Variants in MPG observed in about 807,000 individuals in gnomAD.
MPG encodes N-methylpurine DNA glycosylase.
In MPG, 33 loss-of-function variants were observed where a neutral mutation model predicts 31.7. That is an observed-to-expected ratio of 1.04 (90% CI 0.79 to 1.39). MPG has a LOEUF of 1.39. Among genes scored for constraint, MPG ranks in the 40% most tolerant of loss-of-function variants. MPG has a pLI of 0.00. For missense variants in MPG, 455 were observed against 415.5 expected (o/e 1.10, Z -0.83); for synonymous variants, 202 against 169.2 (o/e 1.19, Z -1.51).
upstream of MPG, chr16:78,112 A>G (rs1414928754): frequency 2.9e-6 from 1 of 342,856 alleles, no homozygotes; most frequent in Admixed American, 5.0e-5. Flanking sequence ...CGCTGGGAAG[A>G]GGATCCACCT....
At chr16:78,081 C>G, upstream of MPG, 1 of 322,232 alleles carries the variant, frequency 3.1e-6, no homozygotes, top group Non-Finnish European at 5.6e-6. Flanking sequence ...GCCCGGGAAT[C>G]GGTCCGGACC....
At chr16:79,304 C>A (rs781160480) in intron 1 of MPG, 121 bp from the exon 2 acceptor site, 3 of 1,599,272 alleles carry the variant, frequency 1.9e-6, no homozygotes, top group East Asian at 2.3e-5. Context: ...TGGTCACCCC[C>A]GCTTTGCAGA....
chr16:79,839 G>C, intron 2 of MPG, 139 bp downstream of exon 2: 1 of 951,418 alleles, frequency 1.1e-6, no homozygotes, highest in East Asian at 2.6e-5. Context: ...TGCTCACACT[G>C]GTCCCTGCTT....
In MPG at chr16:83,332, G is replaced by A. The variant is rs937709248; in HGVS notation, c.505+76G>A. ...GCTAGCAGCCAGGGGACCACTAGGAGGACTGAGGTGGGGCCAGCATTTGAG... is the reference window on the plus strand; with the variant it reads ...GCTAGCAGCCAGGGGACCACTAGGAAGACTGAGGTGGGGCCAGCATTTGAG... On this transcript the variant is annotated intron_variant, in intron 3 of 3. Transcript: ENST00000356432. 2.8e-6 allele frequency: 4 copies of A among 1,413,690 alleles called. No individual in the cohort carries two copies. The Admixed American group carries it at 5.4e-5, about 19-fold the overall frequency. The allele number at this position is 1,413,690 out of a possible 1,614,324, so 87.6% of individuals were successfully genotyped here.
chr16:79,139 G>T, intron 1 of MPG: 1 of 1,500,100 alleles, frequency 6.7e-7, no homozygotes, highest in South Asian at 1.3e-5. Context: ...TGCTCCCCAG[G>T]TCATGCAGCC....
At chr16:77,737 A>G (rs956040069), upstream of MPG, among the ~76,000 whole-genome samples, 2 of 152,104 alleles carry the variant, frequency 1.3e-5, no homozygotes, top group Non-Finnish European at 2.9e-5. Context: ...CTTCCTGGAT[A>G]AGGACTCCCC....
chr16:85,068 T>C (rs1203207508), intron 3 of MPG, among the ~76,000 whole-genome samples: 1 of 152,150 alleles, frequency 6.6e-6, no homozygotes, highest in Non-Finnish European at 1.5e-5. Context: ...TACCCAGCAT[T>C]TGTCATGTGT....
chr16:83,081 A>G lies in MPG; in HGVS notation c.330A>G (p.Thr110=), dbSNP rs747306366. Residue 110 remains threonine, a synonymous_variant, in exon 3 of 4, where the codon ACA becomes ACG. Transcript: ENST00000356432. The part of the protein sequence containing the change: ...QVLVRRLPNG[T]ELRGRIVETE... ...TAGTCCGGCGACTTCCTAATGGCACAGAACTCCGAGGCCGCATCGTGGAGA... is the reference window on the plus strand; with the variant it reads ...TAGTCCGGCGACTTCCTAATGGCACGGAACTCCGAGGCCGCATCGTGGAGA... 3.0e-5 allele frequency: 49 copies of G among 1,610,086 alleles called. No homozygotes were observed. The Admixed American group carries it at 7.9e-4, about 26-fold the overall frequency.
chr16:79,159 A>G, intron 1 of MPG: 1 of 1,524,056 alleles, frequency 6.6e-7, no homozygotes, highest in Non-Finnish European at 8.8e-7. Flanking sequence ...CTGGGCCCCC[A>G]TGCCGTGCAG....
chr16:82,958 C>A, intron 2 of MPG, 94 bp from the exon 3 acceptor site: 1 of 1,164,136 alleles, frequency 8.6e-7, no homozygotes, highest in Non-Finnish European at 1.2e-6. Flanking sequence ...GGCTGACACA[C>A]CCTGAGCTGG....
chr16:79,236 T>C (rs1898172218), intron 1 of MPG, 189 bp from the exon 2 acceptor site: 10 of 1,552,274 alleles, frequency 6.4e-6, no homozygotes, highest in Non-Finnish European at 7.8e-6. Context: ...TCAGACGTGA[T>C]CATTTCCTGA....
upstream of MPG, among the ~76,000 whole-genome samples, chr16:77,458 C>G (rs1436128435): frequency 1.3e-5 from 2 of 152,176 alleles, no homozygotes; most frequent in Non-Finnish European, 2.9e-5. Flanking sequence ...GGCGCTGGGC[C>G]GTCGGGGAGG....
Position 79,527 on chromosome 16 carries a change from TCGTCC to T in MPG, c.128_132del (p.Ser43Ter). On this transcript the variant is annotated frameshift_variant, in exon 2 of 4. Transcript: ENST00000356432. LOFTEE classifies it high-confidence loss of function. ...GGCACCTGCAGAGCAGCCACACAGC[TCGTCC>T]GATGCAGCCCAGGCACCTTGCCCCA... 6.2e-7 allele frequency: 1 copy of T among 1,612,806 alleles called. No homozygotes were observed. Among genetic ancestry groups the T allele is most frequent in the Non-Finnish European group, 8.5e-7 (1 of 1,179,932 alleles).
rs3176417 is a variant in MPG, at chr16:82,871, T to C, written c.301-181T>C. ...TGGAGGAGACAACTGGTGCCCTCAA[T>C]AGCCACATTCAGCCTCAGCAGGAGC... On this transcript the variant is annotated intron_variant, in intron 2 of 3. Transcript: ENST00000356432. Among the ~76,000 whole-genome samples the C allele has an allele frequency of 4.3e-3, 647 of 152,186 alleles. 4 individuals carry two copies. The highest frequency in any genetic ancestry group is 0.034 in the Middle Eastern group (10 of 294).
chr16:85,730 T>C lies in MPG; in HGVS notation c.835T>C (p.Trp279Arg), dbSNP rs1250895338. 1 of 1,521,818 alleles carries C rather than the reference T, an allele frequency of 6.6e-7. No individual in the cohort carries two copies. Among genetic ancestry groups the C allele is most frequent in the Admixed American group, 2.1e-5 (1 of 47,240 alleles). 94.3% of individuals were successfully genotyped at this position (1,521,818 alleles called of 1,614,324 possible). The change falls in exon 4 of 4, where the codon TGG (tryptophan) becomes CGG (arginine). Residue 279 changes from tryptophan to arginine, a missense_variant. Transcript: ENST00000356432. ...CCGCTTCTATGTCCGGGGCAGCCCC[T>C]GGGTCAGTGTGGTCGACAGAGTGGC... is the stretch of plus-strand genomic sequence containing the variant. ...PLRFYVRGSP[W>R]VSVVDRVAEQ...
intron 2 of MPG, among the ~76,000 whole-genome samples, chr16:82,643 G>A (rs1291729129): frequency 6.6e-6 from 1 of 152,192 alleles, no homozygotes; most frequent in Non-Finnish European, 1.5e-5. Flanking sequence ...CATCCTTGGG[G>A]TCCTGTGCCT....
chr16:77,266 A>C (rs1181588779), upstream of MPG: 1 of 152,244 alleles, frequency 6.6e-6, no homozygotes, highest in Admixed American at 6.5e-5. Context: ...ATAAACCTTC[A>C]AGTGGCCAGA....
chr16:79,050 C>T, intron 1 of MPG: 5 of 1,431,734 alleles, frequency 3.5e-6, no homozygotes, highest in East Asian at 2.5e-5. Context: ...GAAACCAGCT[C>T]AGACGTTTGC....
Position 83,175 on chromosome 16 carries a change from C to G in MPG, c.424C>G (p.Arg142Gly), listed in dbSNP as rs374287828. 1 of 1,613,222 alleles carries G rather than the reference C, an allele frequency of 6.2e-7. No homozygotes were observed. The highest frequency in any genetic ancestry group is 1.3e-5 in the African/African-American group (1 of 75,038). ...SRGGRQTPRNRGMFMKPGTLY... is the reference protein window; with the variant it reads ...SRGGRQTPRNGGMFMKPGTLY... ...GGGTGGCCGGCAGACCCCCCGCAACCGAGGCATGTTCATGAAGCCGGGGAC... is the reference window on the plus strand; with the variant it reads ...GGGTGGCCGGCAGACCCCCCGCAACGGAGGCATGTTCATGAAGCCGGGGAC... The change falls in exon 3 of 4, where the codon CGA (arginine) becomes GGA (glycine). Residue 142 changes from arginine (R) to glycine (G), a missense_variant. By Grantham distance (125) the Arg-to-Gly change is moderately radical. Transcript: ENST00000356432.
Sources: allele counts gnomAD v4.1 joint callset (sites outside exome capture counted in the v4.1 genomes callset), GRCh38; gene constraint gnomAD v4.1.1; transcripts MANE v1.5; gene names NCBI Gene and HGNC (gene_info 2026-07-23, HGNC 2026-07-21).